The following SHANK2 variants were observed in gnomAD, a reference collection of about 807,000 sequenced individuals.
SHANK2 encodes SH3 and multiple ankyrin repeat domains protein 2.
A neutral mutation model predicts 133.7 loss-of-function variants in SHANK2; 43 were observed. The observed-to-expected ratio is 0.32, with a 90% CI of 0.25 to 0.41. The LOEUF (loss-of-function observed/expected upper bound fraction) is 0.41. SHANK2 is among the 10% of genes least tolerant of loss of function. The pLI is 1.00. For synonymous variants in SHANK2, 1,017 were observed against 952.8 expected (o/e 1.07, Z -1.24); for missense variants, 1,994 against 2,235.8 (o/e 0.89, Z 2.18).
At chr11:70,778,308 A>G (rs1180194400) in intron 14 of SHANK2, among the ~76,000 whole-genome samples, 5 of 152,220 alleles carry the variant, frequency 3.3e-5, no homozygotes, top group Non-Finnish European at 5.9e-5. Context: ...CTCACACAAC[A>G]AAATGGCCCC....
intron 14 of SHANK2, among the ~76,000 whole-genome samples, chr11:70,784,353 T>TTTTTG (rs1565313686): frequency 4.8e-5 from 6 of 125,226 alleles, no homozygotes; most frequent in Non-Finnish European, 9.7e-5. Context: ...GTTTTTTTTT[T>TTTTTG]TTTTTTTTTT....
chr11:70,949,495 C>G (rs1366813461), intron 10 of SHANK2, among the ~76,000 whole-genome samples: 1 of 152,242 alleles, frequency 6.6e-6, no homozygotes. Flanking sequence ...GAATAGGAAA[C>G]CTGAGATGGA....
intron 12 of SHANK2, among the ~76,000 whole-genome samples, chr11:70,814,133 G>A (rs190484672): frequency 6.6e-6 from 1 of 152,134 alleles, no homozygotes; most frequent in Admixed American, 6.6e-5. Flanking sequence ...AGACCAGCCT[G>A]GCCAACATGG....
chr11:70,632,034 G>C (rs782554864), intron 17 of SHANK2: 5 of 152,222 alleles, frequency 3.3e-5, no homozygotes, highest in Admixed American at 1.3e-4. Flanking sequence ...CAATGGAAAG[G>C]TTCACTCTGT....
chr11:70,522,096 GCCACAGCCT>G (rs1460832134), intron 17 of SHANK2, among the ~76,000 whole-genome samples: 4 of 152,196 alleles, frequency 2.6e-5, no homozygotes. Context: ...CTAGGCAGAG[GCCACAGCCT>G]CTTGCAGTTC....
At chr11:71,246,909 T>C (rs1954968294) in intron 1 of SHANK2, among the ~76,000 whole-genome samples, 1 of 152,178 alleles carries the variant, frequency 6.6e-6, no homozygotes, top group Non-Finnish European at 1.5e-5. Context: ...ATCTGTAATA[T>C]ATTTATAGTT....
intron 17 of SHANK2, among the ~76,000 whole-genome samples, chr11:70,632,507 G>A (rs2061007709): frequency 6.6e-6 from 1 of 152,090 alleles, no homozygotes; most frequent in South Asian, 2.1e-4. Context: ...CCACCTCTCT[G>A]GTTCAACCAG....
intron 10 of SHANK2, chr11:70,908,065 C>T (rs934537455): frequency 2.3e-5 from 8 of 350,656 alleles, no homozygotes; most frequent in Non-Finnish European, 4.6e-5. Flanking sequence ...CGTGCCATTG[C>T]ACTCTGCGCA....
intron 17 of SHANK2, among the ~76,000 whole-genome samples, chr11:70,641,634 A>G (rs1290492109): frequency 2.0e-5 from 3 of 152,230 alleles, no homozygotes; most frequent in African/African-American, 7.2e-5. Flanking sequence ...TGACCTGGGC[A>G]TCTGCGTATT....
rs1000131120 is a variant in SHANK2 at position 71,093,622 on chromosome 11, G to A, written c.744+915C>T. Among the ~76,000 whole-genome samples the A allele has an allele frequency of 3.9e-5, 6 of 152,128 alleles. 1 individual carries two copies. The highest frequency in any genetic ancestry group is 4.2e-4 in the South Asian group (2 of 4,816). ...CCGGTCACAGGAACTGCCTGCTCCC[G>A]CTTCACCTTCCACCATGATTGGAAA... On this transcript the variant is annotated intron_variant, in intron 7 of 25. Coordinates refer to ENST00000601538, the MANE Select transcript of SHANK2 (RefSeq NM_012309.5).
chr11:70,486,227 C>T lies in SHANK2; in HGVS notation c.4066G>A (p.Glu1356Lys), dbSNP rs782059532. 8.1e-6 allele frequency: 13 copies of T among 1,614,040 alleles called. No homozygotes were observed. Among genetic ancestry groups the T allele is most frequent in the South Asian group, 1.1e-5 (1 of 91,074 alleles). ...SEVPEGVSET[E>K]GALQISAAPE... ...GCAGCGGAGATCTGTAAAGCACCTT[C>T]GGTTTCGGAAACACCTTCTGGCACC... The change falls in exon 25 of 26, where the codon GAA becomes AAA. Residue 1356 changes from glutamate to lysine, a missense_variant. Glu to Lys is a moderately conservative substitution (Grantham distance 56, BLOSUM62 1). Coordinates refer to ENST00000601538, the MANE Select transcript of SHANK2 (RefSeq NM_012309.5). The surrounding 1 kb of genome is among the most constrained non-coding windows in gnomAD (Gnocchi z 8.0).
At chr11:70,549,880 C>T (rs1554977413) in intron 17 of SHANK2, among the ~76,000 whole-genome samples, 1 of 152,274 alleles carries the variant, frequency 6.6e-6, no homozygotes, top group Non-Finnish European at 1.5e-5. Flanking sequence ...GCGAAAGACA[C>T]AGCGAAGCTC....
intron 10 of SHANK2, among the ~76,000 whole-genome samples, chr11:70,931,322 C>G (rs1456186723): frequency 6.6e-6 from 1 of 152,164 alleles, no homozygotes; most frequent in Non-Finnish European, 1.5e-5. Flanking sequence ...CCAGAAACCC[C>G]TGGACTATAC....
chr11:70,835,876 C>T (rs1948807299), intron 11 of SHANK2, among the ~76,000 whole-genome samples: 2 of 152,094 alleles, frequency 1.3e-5, no homozygotes, highest in Admixed American at 6.5e-5. Flanking sequence ...GCAGGAGAAG[C>T]CTGGAGATCT....
intron 15 of SHANK2, among the ~76,000 whole-genome samples, chr11:70,680,566 C>T (rs1555018168): frequency 6.6e-6 from 1 of 152,220 alleles, no homozygotes; most frequent in Non-Finnish European, 1.5e-5. Context: ...GGCCCACCTG[C>T]ATTCGCCAGG....
chr11:71,086,314 GTA>G (rs1174356231), intron 8 of SHANK2, among the ~76,000 whole-genome samples: 17 of 91,706 alleles, frequency 1.9e-4, no homozygotes, highest in African/African-American at 4.5e-4. Flanking sequence ...ATAAGATATA[GTA>G]TATGTTATAT....
At chr11:70,885,746 G>T (rs979117287) in intron 11 of SHANK2, among the ~76,000 whole-genome samples, 25 of 152,174 alleles carry the variant, frequency 1.6e-4, no homozygotes, top group African/African-American at 6.0e-4. Context: ...ATTCGGGGCA[G>T]GCCACACAAG....
chr11:70,582,261 C>A (rs1591608577), intron 17 of SHANK2, among the ~76,000 whole-genome samples: 1 of 152,376 alleles, frequency 6.6e-6, no homozygotes, highest in African/African-American at 2.4e-5. Context: ...CTGAAAGGAC[C>A]ACCTAACTGT....
chr11:71,218,109 A>C (rs1954452045), intron 2 of SHANK2, among the ~76,000 whole-genome samples: 1 of 152,010 alleles, frequency 6.6e-6, no homozygotes, highest in Non-Finnish European at 1.5e-5. Context: ...TTACCTTGTG[A>C]TTAGCCTTCC....
Sources: gnomAD v4.1 joint callset for allele counts (sites outside exome capture counted in the v4.1 genomes callset) on GRCh38, gnomAD v4.1.1 for gene constraint, Gnocchi (gnomAD v3.1) non-coding constraint, MANE v1.5 for transcripts, NCBI Gene and HGNC (gene_info 2026-07-23, HGNC 2026-07-21) for gene names.